The following WWOX variants were observed in gnomAD, a reference collection of about 807,000 sequenced individuals.
WWOX encodes the protein WW domain-containing oxidoreductase.
In WWOX, 69 loss-of-function variants were observed where a neutral mutation model predicts 46.2. The ratio of observed to expected loss-of-function variants is 1.49; its 90% confidence interval spans 1.23 to 1.82. The LOEUF (loss-of-function observed/expected upper bound fraction) is 1.82, where lower values mean the gene tolerates loss of function less well. WWOX is among the 40% of genes most tolerant of loss of function. The pLI, the probability that WWOX is intolerant of heterozygous loss-of-function variation, is 0.00. For missense variants in WWOX, 919 were observed against 542.6 expected (o/e 1.69, Z -6.89); for synonymous variants, 359 against 202.6 (o/e 1.77, Z -6.56).
chr16:78,231,561 A>G (rs1036323443), intron 5 of WWOX, among the ~76,000 whole-genome samples: 4 of 152,146 alleles, frequency 2.6e-5, no homozygotes, highest in African/African-American at 9.7e-5. Flanking sequence ...GCAGAATCCA[A>G]ATGCTTAAAT....
At chr16:79,107,304 T>C (rs111980427) in intron 8 of WWOX, among the ~76,000 whole-genome samples, 39 of 151,898 alleles carry the variant, frequency 2.6e-4, no homozygotes, top group African/African-American at 8.7e-4. Flanking sequence ...CCCAGGTTGG[T>C]CTTCAACTCC....
intron 8 of WWOX, among the ~76,000 whole-genome samples, chr16:78,938,718 C>G (rs1310661158): frequency 6.6e-6 from 1 of 151,972 alleles, no homozygotes; most frequent in African/African-American, 2.4e-5. Context: ...TCTAGTGCAG[C>G]CATATAGTCA....
chr16:79,047,672 A>ATTT lies in WWOX; in HGVS notation c.1057-163909_1057-163907dup, dbSNP rs71140858. On this transcript the variant is annotated intron_variant, in intron 8 of 8. Transcript: ENST00000566780. The stretch of plus-strand genomic sequence containing the variant: ...GTGACTTTCTCCTGAGACTGTCCTG[A>ATTT]TTTTTTTTTTTTTTTTTTTTTTTTT... 2.2e-3 allele frequency among the ~76,000 whole-genome samples: 120 copies of ATTT among 53,496 alleles called. 12 individuals carry two copies. Among genetic ancestry groups the ATTT allele is most frequent in the South Asian group, 8.2e-3 (8 of 980 alleles). 35.1% of individuals were successfully genotyped at this position (53,496 alleles called of 152,430 possible).
At chr16:78,657,096 G>A (rs1125669) in intron 8 of WWOX, among the ~76,000 whole-genome samples, 131,286 of 151,972 alleles carry the variant, frequency 0.86, 57,142 homozygotes, top group Non-Finnish European at 0.92. Context: ...ATGCAATTGC[G>A]CAATTCACAC....
At chr16:78,772,987 T>G (rs2050100902) in intron 8 of WWOX, among the ~76,000 whole-genome samples, 1 of 152,234 alleles carries the variant, frequency 6.6e-6, no homozygotes, top group African/African-American at 2.4e-5. Context: ...ATCATGCCGC[T>G]GTGCTCCAGC....
intron 5 of WWOX, among the ~76,000 whole-genome samples, chr16:78,385,044 G>A (rs944675177): frequency 6.6e-6 from 1 of 152,052 alleles, no homozygotes; most frequent in African/African-American, 2.4e-5. Context: ...TGAGGCAGGA[G>A]AATCGCTTGA....
chr16:78,688,076 A>G (rs554066484), intron 8 of WWOX, among the ~76,000 whole-genome samples: 1 of 149,616 alleles, frequency 6.7e-6, no homozygotes, highest in East Asian at 1.9e-4. Flanking sequence ...ACAGGCCACA[A>G]TTCAAATTCA....
chr16:78,875,360 TCCC>T, intron 8 of WWOX, among the ~76,000 whole-genome samples: 1 of 152,188 alleles, frequency 6.6e-6, no homozygotes, highest in South Asian at 2.1e-4. Context: ...TTTATGATGC[TCCC>T]AGTATATAAG....
At chr16:78,369,700 A>G (rs2081622657) in intron 5 of WWOX, among the ~76,000 whole-genome samples, 1 of 151,856 alleles carries the variant, frequency 6.6e-6, no homozygotes, top group African/African-American at 2.4e-5. Context: ...TGGGAGGATT[A>G]ATAAACACCA....
intron 8 of WWOX, among the ~76,000 whole-genome samples, chr16:78,513,741 A>G (rs1027469670): frequency 3.3e-5 from 5 of 152,224 alleles, no homozygotes; most frequent in Non-Finnish European, 7.3e-5. Context: ...TAAATGTCTC[A>G]TATACCCCTC....
At chr16:78,748,934 A>G (rs1036565367) in intron 8 of WWOX, among the ~76,000 whole-genome samples, 11 of 152,268 alleles carry the variant, frequency 7.2e-5, no homozygotes, top group Admixed American at 7.2e-4. Context: ...TTGCAATCAA[A>G]TAATTCATCT....
At chr16:78,766,474 G>C (rs1026225417) in intron 8 of WWOX, among the ~76,000 whole-genome samples, 1 of 152,302 alleles carries the variant, frequency 6.6e-6, no homozygotes, top group Middle Eastern at 3.4e-3. Flanking sequence ...TGTAGTCCCA[G>C]CTATTCAGGC....
chr16:79,156,859 T>G (rs2050392099), intron 8 of WWOX, among the ~76,000 whole-genome samples: 4 of 148,620 alleles, frequency 2.7e-5, no homozygotes, highest in African/African-American at 7.8e-5. Context: ...CTCTACAGGC[T>G]GAAGGAAAGA....
At chr16:78,110,312 C>A (rs1371235135) in intron 3 of WWOX, among the ~76,000 whole-genome samples, 1 of 140,266 alleles carries the variant, frequency 7.1e-6, no homozygotes, top group East Asian at 2.1e-4. Flanking sequence ...TGCACTCCAG[C>A]CTGGGTGACA....
intron 8 of WWOX, among the ~76,000 whole-genome samples, chr16:78,631,638 A>C (rs551984528): frequency 1.3e-4 from 20 of 150,720 alleles, no homozygotes; most frequent in Admixed American, 1.3e-3. Flanking sequence ...TCCCAGGCTC[A>C]AGAGATATTC....
At chr16:78,382,951 G>A (rs1406412667) in intron 5 of WWOX, among the ~76,000 whole-genome samples, 1 of 151,638 alleles carries the variant, frequency 6.6e-6, no homozygotes, top group Non-Finnish European at 1.5e-5. Context: ...TTCTGGATAG[G>A]CCTTAGGAAA....
intron 8 of WWOX, among the ~76,000 whole-genome samples, chr16:78,622,614 G>A (rs1027442966): frequency 3.3e-5 from 5 of 151,836 alleles, no homozygotes; most frequent in African/African-American, 9.7e-5. Context: ...CGGCCCCAGT[G>A]ATACCCCACC....
intron 8 of WWOX, among the ~76,000 whole-genome samples, chr16:78,877,235 TC>T (rs1373085731): frequency 1.1e-4 from 17 of 152,084 alleles, no homozygotes; most frequent in African/African-American, 3.1e-4. Flanking sequence ...AAAGGCAAAA[TC>T]GTCACAGTAG....
At chr16:78,601,449 A>AG (rs911616532) in intron 8 of WWOX, among the ~76,000 whole-genome samples, 2 of 151,342 alleles carry the variant, frequency 1.3e-5, no homozygotes, top group Admixed American at 1.3e-4. Flanking sequence ...GAGAAAAAAA[A>AG]AAAAGAAAGG....
Sources: gnomAD v4.1 joint callset for allele counts (sites outside exome capture counted in the v4.1 genomes callset) on GRCh38, gnomAD v4.1.1 for gene constraint, MANE v1.5 for transcripts, NCBI Gene and HGNC (gene_info 2026-07-23, HGNC 2026-07-21) for gene names.